Variants in ULK4 observed in about 807,000 individuals in gnomAD.
The protein encoded by ULK4 is inactive serine/threonine-protein kinase ULK4.
Under a neutral mutation model 160.6 loss-of-function variants are expected in ULK4, and 133 were observed. The ratio of observed to expected loss-of-function variants is 0.83; its 90% CI spans 0.72 to 0.96. ULK4 has a LOEUF of 0.96. Ranked by LOEUF, ULK4 falls within the 40% of genes least tolerant of loss-of-function variation. The probability of loss-of-function intolerance (pLI) is 0.00; values close to 1 mark genes in which losing one functional copy is unlikely to be tolerated. For synonymous variants in ULK4, 534 were observed against 539.8 expected, an observed-to-expected ratio of 0.99 and a Z score of 0.15; for missense variants, 1,580 against 1,499.5, an observed-to-expected ratio of 1.05 and a Z score of -0.89.
intron 32 of ULK4, among the ~76,000 whole-genome samples, chr3:41,463,918 A>C (rs2083758518): frequency 2.0e-5 from 3 of 152,158 alleles, no homozygotes; most frequent in African/African-American, 7.2e-5. Flanking sequence ...GAAATACAAC[A>C]AAAGTGAAAT....
chr3:41,584,145 G>T (rs1346783086), intron 31 of ULK4, among the ~76,000 whole-genome samples: 2 of 152,144 alleles, frequency 1.3e-5, no homozygotes, highest in Non-Finnish European at 2.9e-5. Context: ...AGTGGGAGAA[G>T]AGATTGGGAG....
intron 34 of ULK4, among the ~76,000 whole-genome samples, chr3:41,406,155 G>A (rs892614887): frequency 6.6e-6 from 1 of 152,298 alleles, no homozygotes; most frequent in Non-Finnish European, 1.5e-5. Context: ...TATGGCAAAA[G>A]ATAGTGGTCA....
chr3:41,270,042 A>G (rs1021218761), intron 35 of ULK4, among the ~76,000 whole-genome samples: 1 of 152,202 alleles, frequency 6.6e-6, no homozygotes, highest in Non-Finnish European at 1.5e-5. Flanking sequence ...ACATACACAC[A>G]CACACAGCAT....
intron 35 of ULK4, among the ~76,000 whole-genome samples, chr3:41,366,554 C>T (rs1175556504): frequency 6.6e-6 from 1 of 151,240 alleles, no homozygotes; most frequent in East Asian, 1.9e-4. Context: ...TGGCTACACA[C>T]ACACACACAC....
chr3:41,535,311 G>T (rs1469138526), intron 32 of ULK4, among the ~76,000 whole-genome samples: 1 of 152,162 alleles, frequency 6.6e-6, no homozygotes, highest in Non-Finnish European at 1.5e-5. Context: ...ACAATATGAA[G>T]AAAAATAATG....
chr3:41,435,324 AAACAGAACTGTGTGAACCT>A (rs2083009520), intron 34 of ULK4, among the ~76,000 whole-genome samples: 2 of 152,230 alleles, frequency 1.3e-5, no homozygotes, highest in African/African-American at 4.8e-5. Flanking sequence ...GCCCAGGGAC[AAACAGAACTGTGTGAACCT>A]AACTACTAAT....
intron 34 of ULK4, among the ~76,000 whole-genome samples, chr3:41,443,552 AG>A (rs2083221172): frequency 6.6e-6 from 1 of 152,160 alleles, no homozygotes; most frequent in South Asian, 2.1e-4. Flanking sequence ...CTAATGGCAA[AG>A]TTTATACTTT....
chr3:41,833,421 G>A (rs1048896215), intron 18 of ULK4, among the ~76,000 whole-genome samples: 9 of 151,590 alleles, frequency 5.9e-5, no homozygotes, highest in African/African-American at 1.5e-4. Context: ...TCAGCCTCCC[G>A]AGTAGCTGGG....
At chr3:41,319,651 C>T (rs964105230) in intron 35 of ULK4, among the ~76,000 whole-genome samples, 2 of 152,186 alleles carry the variant, frequency 1.3e-5, no homozygotes, top group African/African-American at 4.8e-5. Flanking sequence ...TTTTAAACAT[C>T]TAACATTTAT....
At chr3:41,444,624 C>T (rs1575227644) in intron 34 of ULK4, among the ~76,000 whole-genome samples, 1 of 152,198 alleles carries the variant, frequency 6.6e-6, no homozygotes, top group African/African-American at 2.4e-5. Flanking sequence ...CATTGATGCA[C>T]ATAAAAACTT....
At chr3:41,710,092 CT>C (rs1186542042) in intron 25 of ULK4, among the ~76,000 whole-genome samples, 1 of 152,096 alleles carries the variant, frequency 6.6e-6, no homozygotes, top group Non-Finnish European at 1.5e-5. Context: ...CTCACATGTA[CT>C]GTCTTTTTCA....
chr3:41,479,853 AT>A (rs1229854839), intron 32 of ULK4, among the ~76,000 whole-genome samples: 10 of 152,240 alleles, frequency 6.6e-5, no homozygotes, highest in South Asian at 6.2e-4. Flanking sequence ...CCTATTTTTC[AT>A]TTTTCCTTAT....
chr3:41,772,181 A>G (rs2039410304), intron 21 of ULK4, among the ~76,000 whole-genome samples: 1 of 152,240 alleles, frequency 6.6e-6, no homozygotes, highest in South Asian at 2.1e-4. Context: ...GAGCAAACAC[A>G]TTCAAAAGCT....
At chr3:41,876,607 T>C (rs865904622) in intron 17 of ULK4, among the ~76,000 whole-genome samples, 139 of 152,328 alleles carry the variant, frequency 9.1e-4, no homozygotes, top group African/African-American at 3.3e-3. Context: ...TCAAAATGTG[T>C]GTGCAAGGCT....
rs1244416053 is a variant in ULK4 at position 41,721,194 on chromosome 3, C to G, written c.2322-3333G>C. 5.1e-5 allele frequency among the ~76,000 whole-genome samples: 7 copies of G among 135,956 alleles called. No individual in the cohort carries two copies. In the East Asian group the frequency reaches 1.3e-3, roughly 25 times the overall value. The allele number at this position is 135,956 out of a possible 152,430, so 89.2% of individuals were successfully genotyped here. On this transcript the variant is annotated intron_variant, in intron 22 of 36. Transcript: ENST00000301831. ...AGGGATAAATAAGCTAATAAGGATGCTTAATTTTGCATGGTGGTAATCCAG... is the reference window on the plus strand; with the variant it reads ...AGGGATAAATAAGCTAATAAGGATGGTTAATTTTGCATGGTGGTAATCCAG...
intron 32 of ULK4, among the ~76,000 whole-genome samples, chr3:41,501,262 C>T (rs973415706): frequency 1.3e-5 from 2 of 152,250 alleles, no homozygotes; most frequent in South Asian, 2.1e-4. Context: ...CTTTGGGAGG[C>T]CGAGACGGGC....
intron 22 of ULK4, among the ~76,000 whole-genome samples, 156 bp from the exon 23 acceptor site, chr3:41,718,017 A>C (rs989909984): frequency 2.0e-4 from 31 of 152,228 alleles, no homozygotes; most frequent in South Asian, 6.2e-4. Context: ...TTTTTGCCTC[A>C]GAAAACTCAA....
In ULK4 at chr3:41,949,335, C is replaced by A. The variant is rs200226237; in HGVS notation, c.138+5287G>T. Among the ~76,000 whole-genome samples the A allele has an allele frequency of 4.6e-3, 692 of 150,704 alleles. 30 individuals carry two copies. The East Asian group carries it at 0.11, about 24-fold the overall frequency. On this transcript the variant is annotated intron_variant, in intron 2 of 36. Transcript: ENST00000301831. Reference sequence around the variant, plus strand: ...ACACAGACACACACACACACACACACAAAAAGTAAAGTTTCCATAAAATAA... The same window carrying A: ...ACACAGACACACACACACACACACAAAAAAAGTAAAGTTTCCATAAAATAA...
chr3:41,816,324 G>A (rs2125626089), intron 19 of ULK4, among the ~76,000 whole-genome samples: 1 of 152,228 alleles, frequency 6.6e-6, no homozygotes, highest in African/African-American at 2.4e-5. Context: ...GATTATTACA[G>A]CTTTCTTTTC....
Sources: gnomAD v4.1 joint callset for allele counts (sites outside exome capture counted in the v4.1 genomes callset) on GRCh38, gnomAD v4.1.1 for gene constraint, MANE v1.5 for transcripts, NCBI Gene and HGNC (gene_info 2026-07-23, HGNC 2026-07-21) for gene names.